KCNAB1: variants seen among roughly 807,000 people sequenced by gnomAD.
KCNAB1 encodes the protein voltage-gated potassium channel subunit beta-1.
In KCNAB1, 35 loss-of-function variants were observed where a neutral mutation model predicts 64.6. The observed-to-expected ratio is 0.54, with a 90% CI of 0.41 to 0.72. The LOEUF (loss-of-function observed/expected upper bound fraction) is 0.72. KCNAB1 is among the 30% of genes least tolerant of loss of function. The probability of loss-of-function intolerance (pLI) is 0.00; values close to 1 mark genes in which losing one functional copy is unlikely to be tolerated. For synonymous variants in KCNAB1, 177 were observed against 183.8 expected, an observed-to-expected ratio of 0.96 and a Z score of 0.30; for missense variants, 401 against 512.9, an observed-to-expected ratio of 0.78 and a Z score of 2.11.
intron 11 of KCNAB1, among the ~76,000 whole-genome samples, chr3:156,522,706 GA>G (rs1007055768): frequency 1.3e-5 from 2 of 152,242 alleles, no homozygotes; most frequent in African/African-American, 2.4e-5. Context: ...TTAGAATAAT[GA>G]AAAAATGCTC....
intron 1 of KCNAB1, among the ~76,000 whole-genome samples, chr3:156,402,349 C>G (rs1243496157): frequency 6.6e-6 from 1 of 152,106 alleles, no homozygotes. Context: ...AGAAATGGGT[C>G]TATTCCCAAC....
chr3:156,503,975 C>T (rs1716638658), intron 8 of KCNAB1, among the ~76,000 whole-genome samples: 1 of 152,098 alleles, frequency 6.6e-6, no homozygotes. Context: ...CTATAGTCTC[C>T]CTACAAAGCT....
At chr3:156,337,800 A>T (rs1032229127) in intron 1 of KCNAB1, among the ~76,000 whole-genome samples, 2 of 152,226 alleles carry the variant, frequency 1.3e-5, no homozygotes, top group Non-Finnish European at 2.9e-5. Context: ...TGAAAAAATG[A>T]TTGTGACAAT....
chr3:156,473,061 C>G (rs1714051250), intron 7 of KCNAB1, among the ~76,000 whole-genome samples: 1 of 152,160 alleles, frequency 6.6e-6, no homozygotes, highest in Admixed American at 6.5e-5. Context: ...CAGGCATAGG[C>G]CAGAACTGTC....
intron 1 of KCNAB1, among the ~76,000 whole-genome samples, chr3:156,223,590 G>T (rs1179744222): frequency 6.6e-6 from 1 of 151,984 alleles, no homozygotes; most frequent in African/African-American, 2.4e-5. Flanking sequence ...TACAAACCTT[G>T]AGCTAGATAC....
chr3:156,338,620 G>T (rs906491087), intron 1 of KCNAB1, among the ~76,000 whole-genome samples: 8 of 152,000 alleles, frequency 5.3e-5, no homozygotes, highest in African/African-American at 1.9e-4. Flanking sequence ...CCTAGCATTT[G>T]CACTTTCTTT....
At chr3:156,362,004 C>A (rs1168905078) in intron 1 of KCNAB1, among the ~76,000 whole-genome samples, 1 of 152,204 alleles carries the variant, frequency 6.6e-6, no homozygotes, top group Non-Finnish European at 1.5e-5. Context: ...TAACCCCTCA[C>A]CCTGTGCCAA....
intron 12 of KCNAB1, among the ~76,000 whole-genome samples, chr3:156,530,934 A>C (rs1319115394): frequency 6.6e-6 from 1 of 152,160 alleles, no homozygotes; most frequent in African/African-American, 2.4e-5. Flanking sequence ...TCCAGGAACA[A>C]TGTGTTTCTA....
At chr3:156,476,475 T>C (rs1472263188) in intron 8 of KCNAB1, among the ~76,000 whole-genome samples, 1 of 151,934 alleles carries the variant, frequency 6.6e-6, no homozygotes, top group Middle Eastern at 3.2e-3. Flanking sequence ...ATGCTGTTAA[T>C]TCATTCCTTT....
intron 5 of KCNAB1, among the ~76,000 whole-genome samples, chr3:156,462,821 G>A (rs1006791615): frequency 2.0e-5 from 3 of 152,142 alleles, no homozygotes; most frequent in African/African-American, 4.8e-5. Flanking sequence ...ATTACATACC[G>A]AGGGAAACCA....
In KCNAB1 at chr3:156,407,451, C is replaced by A. The variant is rs560322128; in HGVS notation, c.276-14165C>A. 1.6e-4 allele frequency among the ~76,000 whole-genome samples: 25 copies of A among 152,138 alleles called. 1 individual carries two copies. Among genetic ancestry groups the A allele is most frequent in the Non-Finnish European group, 2.6e-4 (18 of 68,034 alleles). ...CTGTGTTTACTTGTTTATCATGGGT[C>A]TTCCCCACTAGGATGTAAGCCTCAT... On this transcript the variant is annotated intron_variant, in intron 1 of 13. Transcript: ENST00000490337.
Position 156,120,633 on chromosome 3 carries a change from G to C in KCNAB1, c.22G>C (p.Ala8Pro), listed in dbSNP as rs1273937970. The change falls in exon 1 of 14, where the codon GCA becomes CCA. Residue 8 changes from alanine to proline, a missense_variant. Transcript: ENST00000490337. MLAARTG[A>P]AGSQISEENT... ...CACGATGCTGGCAGCCCGGACAGGG[G>C]CAGCGGGGAGTCAGATCTCAGAGGA... The C allele has an allele frequency of 6.2e-7, 1 of 1,614,234 alleles. No homozygotes were observed. The highest frequency in any genetic ancestry group is 2.2e-5 in the East Asian group (1 of 44,888).
At chr3:156,273,914 G>C (rs138894348) in intron 1 of KCNAB1, among the ~76,000 whole-genome samples, 1 of 152,056 alleles carries the variant, frequency 6.6e-6, no homozygotes, top group African/African-American at 2.4e-5. Flanking sequence ...TTATTCTGAC[G>C]TGTAGAATAT....
intron 1 of KCNAB1, among the ~76,000 whole-genome samples, chr3:156,377,343 G>T (rs916430541): frequency 6.6e-6 from 1 of 152,182 alleles, no homozygotes; most frequent in African/African-American, 2.4e-5. Flanking sequence ...AGTTAGAGGA[G>T]GGATGAGCCC....
At chr3:156,524,453 G>C (rs939488586) in intron 12 of KCNAB1, among the ~76,000 whole-genome samples, 1 of 152,108 alleles carries the variant, frequency 6.6e-6, no homozygotes, top group Non-Finnish European at 1.5e-5. Context: ...GGTAACAATT[G>C]AAAACCACAC....
chr3:156,394,642 G>A (rs999429107), intron 1 of KCNAB1, among the ~76,000 whole-genome samples: 6 of 152,180 alleles, frequency 3.9e-5, no homozygotes, highest in Non-Finnish European at 5.9e-5. Context: ...AGTTCAACAC[G>A]TTTGTCCCAT....
chr3:156,318,437 C>A lies in KCNAB1; in HGVS notation c.276-103179C>A, dbSNP rs981756683. ...CATGCCCTATCCACAGGGAGTGGACCCCCAGCTTCCCAGCAACTGTTGCTT... is the reference window on the plus strand; with the variant it reads ...CATGCCCTATCCACAGGGAGTGGACACCCAGCTTCCCAGCAACTGTTGCTT... On this transcript the variant is annotated intron_variant, in intron 1 of 13. Coordinates refer to ENST00000490337, the MANE Select transcript of KCNAB1 (RefSeq NM_172160.3). Among the ~76,000 whole-genome samples the A allele has an allele frequency of 5.3e-5, 8 of 152,192 alleles. No individual in the cohort carries two copies. In the East Asian group the frequency reaches 1.5e-3, roughly 29 times the overall value.
rs538541527 is a variant in KCNAB1 at position 156,257,787 on chromosome 3, C to G, written c.275+136901C>G. Among the ~76,000 whole-genome samples, 9 of 152,196 alleles carry G rather than the reference C, an allele frequency of 5.9e-5. No homozygotes were observed. In the East Asian group the frequency reaches 1.4e-3, roughly 23 times the overall value. On this transcript the variant is annotated intron_variant, in intron 1 of 13. Coordinates refer to ENST00000490337, the MANE Select transcript of KCNAB1 (RefSeq NM_172160.3). Reference sequence around the variant, plus strand: ...ATGGATGGTGACTGGCTGGTGCAGTCTCAGAAAGGACCTGTCAATCCTTTC... The same window carrying G: ...ATGGATGGTGACTGGCTGGTGCAGTGTCAGAAAGGACCTGTCAATCCTTTC...
At chr3:156,420,815 T>C (rs1333382455) in intron 1 of KCNAB1, among the ~76,000 whole-genome samples, 2 of 152,170 alleles carry the variant, frequency 1.3e-5, no homozygotes, top group East Asian at 1.9e-4. Context: ...TATAGGCAAA[T>C]GCATACTAGA....
Sources: allele counts gnomAD v4.1 joint callset (sites outside exome capture counted in the v4.1 genomes callset), GRCh38; gene constraint gnomAD v4.1.1; transcripts MANE v1.5; gene names NCBI Gene and HGNC (gene_info 2026-07-23, HGNC 2026-07-21).